The following RPAP2 variants were observed in gnomAD, a reference collection of about 807,000 sequenced individuals.
The protein encoded by RPAP2 is putative RNA polymerase II subunit B1 CTD phosphatase RPAP2.
In RPAP2, 52 loss-of-function variants were observed where a neutral mutation model predicts 73.1. The observed-to-expected ratio is 0.71, with a 90% CI of 0.57 to 0.90. The LOEUF (loss-of-function observed/expected upper bound fraction) is 0.90. RPAP2 is among the 40% of genes least tolerant of loss of function. The pLI, the probability that RPAP2 is intolerant of heterozygous loss-of-function variation, is 0.00. For synonymous variants in RPAP2, 225 were observed against 242.1 expected, an observed-to-expected ratio of 0.93 and a Z score of 0.65; for missense variants, 598 against 701.8, an observed-to-expected ratio of 0.85 and a Z score of 1.67.
intron 8 of RPAP2, among the ~76,000 whole-genome samples, chr1:92,325,858 G>A (rs918651853): frequency 3.3e-5 from 5 of 151,890 alleles, no homozygotes; most frequent in Admixed American, 2.6e-4. Context: ...AGTCATTTGT[G>A]TTGTTGCATA....
chr1:92,332,698 T>C (rs929632833), intron 8 of RPAP2, among the ~76,000 whole-genome samples: 4 of 152,160 alleles, frequency 2.6e-5, no homozygotes, highest in African/African-American at 9.6e-5. Flanking sequence ...TCCTAGAGTA[T>C]GGTCTTTCCA....
chr1:92,367,351 C>G (rs762508663), intron 11 of RPAP2, among the ~76,000 whole-genome samples: 2 of 152,126 alleles, frequency 1.3e-5, no homozygotes, highest in African/African-American at 2.4e-5. Context: ...ACGGCTTTTG[C>G]GTTTGTTTGA....
intron 11 of RPAP2, among the ~76,000 whole-genome samples, chr1:92,356,865 C>T (rs1654493207): frequency 6.6e-6 from 1 of 151,770 alleles, no homozygotes; most frequent in Non-Finnish European, 1.5e-5. Flanking sequence ...GAGTTCAAGA[C>T]CAACCTGGCC....
At position 92,299,214 on chromosome 1, in the gene RPAP2, G is replaced by T. The variant is rs568900828; in HGVS notation, c.73+68G>T. On this transcript the variant is annotated intron_variant, in intron 1 of 12. Coordinates refer to ENST00000610020, the MANE Select transcript of RPAP2 (RefSeq NM_024813.3). The stretch of plus-strand genomic sequence containing the variant: ...GGGCCCCGATCTCGAGTTATAGACC[G>T]CAGCGCGCGGGCGCTCCTGAAAGGC... 5 of 989,916 alleles carry T rather than the reference G, an allele frequency of 5.1e-6. No homozygotes were observed. In the African/African-American group the frequency reaches 8.5e-5, roughly 17 times the overall value. 61.3% of individuals were successfully genotyped at this position (989,916 alleles called of 1,614,324 possible).
At chr1:92,312,171 C>T (rs12142556) in intron 6 of RPAP2, among the ~76,000 whole-genome samples, 12,167 of 152,102 alleles carry the variant, frequency 0.08, 744 homozygotes, top group African/African-American at 0.18. Context: ...AGCATTGTTG[C>T]GGGGCAAGGC....
chr1:92,304,082 A>G lies in RPAP2; in HGVS notation c.333+7A>G. The G allele has an allele frequency of 6.3e-7, 1 of 1,575,224 alleles. No individual in the cohort carries two copies. Among genetic ancestry groups the G allele is most frequent in the Non-Finnish European group, 8.6e-7 (1 of 1,156,138 alleles). On this transcript the variant is annotated splice_region_variant and intron_variant, in intron 4 of 12. Coordinates refer to ENST00000610020, the MANE Select transcript of RPAP2 (RefSeq NM_024813.3). Reference sequence around the variant, plus strand: ...TCAGAAGAAGCTGGGAATTGTAAGTAACTCATTTTTTTTAAAATATAGGCT... The same window carrying G: ...TCAGAAGAAGCTGGGAATTGTAAGTGACTCATTTTTTTTAAAATATAGGCT...
chr1:92,307,322 A>G, intron 6 of RPAP2, 46 bp downstream of exon 6: 1 of 1,316,310 alleles, frequency 7.6e-7, no homozygotes, highest in Non-Finnish European at 1.1e-6. Context: ...ATATTCTAAT[A>G]ATTTGTTTCT....
At chr1:92,327,024 T>C (rs1432577115) in intron 8 of RPAP2, among the ~76,000 whole-genome samples, 1 of 152,270 alleles carries the variant, frequency 6.6e-6, no homozygotes, top group Non-Finnish European at 1.5e-5. Context: ...TCATATGGTC[T>C]ATCTCGGAGA....
At position 92,389,972 on chromosome 1, in the gene RPAP2, C is replaced by T. The variant is rs1460719354; in HGVS notation, c.*2961C>T. ...CAGAACCAAGTTTGAAAACACTCTT[C>T]AGGATATTATCCAGGAGAGCTTCCC... On this transcript the variant is annotated 3_prime_UTR_variant, in exon 13 of 13. Coordinates refer to ENST00000610020, the MANE Select transcript of RPAP2 (RefSeq NM_024813.3). The T allele has an allele frequency of 6.6e-6, 1 of 152,202 alleles. No individual in the cohort carries two copies. Among genetic ancestry groups the T allele is most frequent in the East Asian group, 1.9e-4 (1 of 5,198 alleles). 9.4% of individuals were successfully genotyped at this position (152,202 alleles called of 1,614,324 possible). A position where few individuals can be genotyped will look rare whatever the true frequency, so the allele number is the denominator to read the frequency against.
At chr1:92,311,207 T>A (rs927579041) in intron 6 of RPAP2, among the ~76,000 whole-genome samples, 1 of 152,180 alleles carries the variant, frequency 6.6e-6, no homozygotes, top group African/African-American at 2.4e-5. Flanking sequence ...TTCTCAACAC[T>A]AAGTCTCAGT....
At chr1:92,363,961 TAGTTA>T (rs1207055589) in intron 11 of RPAP2, among the ~76,000 whole-genome samples, 2 of 152,198 alleles carry the variant, frequency 1.3e-5, no homozygotes, top group African/African-American at 4.8e-5. Flanking sequence ...AGGCTATTTA[TAGTTA>T]AGTTTTGGGG....
intron 11 of RPAP2, among the ~76,000 whole-genome samples, chr1:92,369,048 T>G (rs1655042389): frequency 6.6e-6 from 1 of 152,234 alleles, no homozygotes; most frequent in Admixed American, 6.5e-5. Context: ...ATAGCCTGTG[T>G]TAAGCCATCT....
intron 11 of RPAP2, chr1:92,363,706 C>G: frequency 2.9e-6 from 1 of 342,602 alleles, no homozygotes. Context: ...TCCTCCTCCT[C>G]AGCCTACTCA....
At chr1:92,378,643 A>G (rs1366200310) in intron 11 of RPAP2, among the ~76,000 whole-genome samples, 15 of 152,076 alleles carry the variant, frequency 9.9e-5, no homozygotes, top group Admixed American at 9.8e-4. Flanking sequence ...TACTATGGGG[A>G]AGTAGCAACT....
chr1:92,315,966 C>G (rs1489418886), intron 6 of RPAP2, among the ~76,000 whole-genome samples: 1 of 152,120 alleles, frequency 6.6e-6, no homozygotes, highest in African/African-American at 2.4e-5. Flanking sequence ...AGAAACAGAC[C>G]ACATAGAGTT....
intron 12 of RPAP2, among the ~76,000 whole-genome samples, chr1:92,383,673 G>A (rs562561499): frequency 0.014 from 2,117 of 152,042 alleles, 47 homozygotes; most frequent in African/African-American, 0.047. Flanking sequence ...GGGCTGAGAC[G>A]ATGGGGTTTT....
chr1:92,394,291 A>C lies in RPAP2; in HGVS notation c.*7280A>C, dbSNP rs111288103. 1.3e-5 allele frequency: 2 copies of C among 151,980 alleles called. No individual in the cohort carries two copies. The highest frequency in any genetic ancestry group is 4.8e-5 in the African/African-American group (2 of 41,390). The allele number at this position is 151,980 out of a possible 1,614,324, so 9.4% of individuals were successfully genotyped here. A position where few individuals can be genotyped will look rare whatever the true frequency, so the allele number is the denominator to read the frequency against. On this transcript the variant is annotated 3_prime_UTR_variant, in exon 13 of 13. Transcript: ENST00000610020. ...AGTTAAACAATGAGAACACATGGAC[A>C]CAGGGAGGGTAACATCACACACCAG...
chr1:92,320,601 A>T lies in RPAP2; in HGVS notation c.491A>T (p.His164Leu). 3.1e-6 allele frequency: 5 copies of T among 1,611,258 alleles called. No homozygotes were observed. Among genetic ancestry groups the T allele is most frequent in the Non-Finnish European group, 4.2e-6 (5 of 1,177,828 alleles). ...TPVWVREEER[H>L]PDFQLLKEEQ... Reference sequence around the variant, plus strand: ...TTATTTCTGTGTTCTTATTACAGGCATCCTGATTTTCAACTGCTAAAGGAA... The same window carrying T: ...TTATTTCTGTGTTCTTATTACAGGCTTCCTGATTTTCAACTGCTAAAGGAA... The change falls in exon 7 of 13, where the codon CAT becomes CTT. Residue 164 changes from histidine to leucine, a missense_variant and splice_region_variant. Transcript: ENST00000610020.
intron 11 of RPAP2, among the ~76,000 whole-genome samples, chr1:92,359,905 G>A (rs940053764): frequency 1.3e-5 from 2 of 152,298 alleles, no homozygotes; most frequent in African/African-American, 4.8e-5. Context: ...AAGCAGAAAA[G>A]GGGAGGGAGG....
Sources: allele counts gnomAD v4.1 joint callset (sites outside exome capture counted in the v4.1 genomes callset), GRCh38; gene constraint gnomAD v4.1.1; transcripts MANE v1.5; gene names NCBI Gene and HGNC (gene_info 2026-07-23, HGNC 2026-07-21).